Variants in ITSN1 observed in about 807,000 individuals in gnomAD.
The protein encoded by ITSN1 is intersectin 1.
In ITSN1, 58 loss-of-function variants were observed where a neutral mutation model predicts 239.8. That is an observed-to-expected ratio of 0.24 (90% CI 0.20 to 0.30). The LOEUF is 0.30. Among genes scored for constraint, ITSN1 ranks in the 10% least tolerant of loss-of-function variants. The pLI is 1.00. For missense variants in ITSN1, 1,558 were observed against 2,103.3 expected, an observed-to-expected ratio of 0.74 and a Z score of 5.07; for synonymous variants, 780 against 770.8, an observed-to-expected ratio of 1.01 and a Z score of -0.20.
intron 33 of ITSN1, among the ~76,000 whole-genome samples, chr21:33,870,267 A>G (rs1289537825): frequency 6.6e-6 from 1 of 152,168 alleles, no homozygotes; most frequent in Non-Finnish European, 1.5e-5. Flanking sequence ...TTTTTCTCCC[A>G]ATGTTTAATT....
In ITSN1 at chr21:33,797,277, TC is replaced by T; in HGVS notation, c.1953-99del. The T allele has an allele frequency of 1.1e-6, 1 of 885,304 alleles. No individual in the cohort carries two copies. The highest frequency in any genetic ancestry group is 1.5e-5 in the South Asian group (1 of 65,296). 54.8% of individuals were successfully genotyped at this position (885,304 alleles called of 1,614,324 possible). On this transcript the variant is annotated intron_variant, in intron 17 of 39. Coordinates refer to ENST00000381318, the MANE Select transcript of ITSN1 (RefSeq NM_003024.3). The surrounding 1 kb of genome is among the most constrained non-coding windows in gnomAD (Gnocchi z 4.9). Reference sequence around the variant, plus strand: ...CTGAACAACAATGTTCCCTTGATGTTCCCATCCCATTTACTGGATGGAGCTT... The same window carrying T: ...CTGAACAACAATGTTCCCTTGATGTTCCATCCCATTTACTGGATGGAGCTT...
chr21:33,848,508 C>T (rs1297027045), intron 29 of ITSN1, among the ~76,000 whole-genome samples: 3 of 152,194 alleles, frequency 2.0e-5, no homozygotes, highest in South Asian at 2.1e-4. Context: ...AAGAGGCCTC[C>T]GGGGAAGAGC....
intron 28 of ITSN1, 58 bp downstream of exon 28, chr21:33,834,482 A>G: frequency 5.0e-6 from 6 of 1,188,918 alleles, no homozygotes; most frequent in Non-Finnish European, 3.7e-6. Flanking sequence ...GAGTTTTTCC[A>G]CTTGATTTTC....
chr21:33,785,263 A>G (rs1383002082), intron 16 of ITSN1, among the ~76,000 whole-genome samples: 1 of 152,136 alleles, frequency 6.6e-6, no homozygotes, highest in Non-Finnish European at 1.5e-5. Context: ...ACAAAAATTG[A>G]TTCTCACTAT....
At chr21:33,677,027 G>T (rs2090636179) in intron 1 of ITSN1, among the ~76,000 whole-genome samples, 1 of 122,832 alleles carries the variant, frequency 8.1e-6, no homozygotes, top group South Asian at 3.2e-4. Context: ...GAGGGGGGAG[G>T]GATAGCATTA....
intron 29 of ITSN1, chr21:33,838,512 CTG>C: frequency 1.0e-6 from 1 of 963,472 alleles, no homozygotes; most frequent in Non-Finnish European, 1.2e-6. Flanking sequence ...GGAAATGTCT[CTG>C]TGTTCTTGAT....
intron 5 of ITSN1, chr21:33,735,485 T>C (rs1292142074): frequency 1.3e-5 from 5 of 376,226 alleles, no homozygotes; most frequent in African/African-American, 1.1e-4. Context: ...TTCTGGGTTT[T>C]TTTTTTTTTT....
intron 5 of ITSN1, among the ~76,000 whole-genome samples, chr21:33,740,456 C>A (rs983644669): frequency 2.2e-4 from 33 of 152,130 alleles, no homozygotes; most frequent in African/African-American, 7.5e-4. Context: ...AAAAGTGTTT[C>A]AAGAAGGAGG....
At chr21:33,696,170 T>C (rs2091784569) in intron 1 of ITSN1, among the ~76,000 whole-genome samples, 1 of 152,224 alleles carries the variant, frequency 6.6e-6, no homozygotes, top group Non-Finnish European at 1.5e-5. Flanking sequence ...TCATTGATGT[T>C]GCAGTAAGGC....
chr21:33,888,044 A>G, intron 39 of ITSN1, 108 bp from the exon 40 acceptor site: 1 of 1,103,290 alleles, frequency 9.1e-7, no homozygotes, highest in South Asian at 1.6e-5. Flanking sequence ...GAGCCCAGAG[A>G]AGAAGGGAGA....
intron 17 of ITSN1, 48 bp downstream of exon 17, chr21:33,794,516 T>C (rs1291882799): frequency 1.0e-5 from 16 of 1,565,142 alleles, no homozygotes; most frequent in African/African-American, 1.4e-5. Flanking sequence ...ACTTTGAGGA[T>C]TTACTATTCT....
intron 36 of ITSN1, 90 bp downstream of exon 36, chr21:33,883,761 T>C: frequency 6.8e-7 from 1 of 1,481,108 alleles, no homozygotes; most frequent in Non-Finnish European, 9.2e-7. Flanking sequence ...TGCCAATGTT[T>C]CCCAAGTGGC....
At chr21:33,831,937 G>C (rs2074315395) in intron 27 of ITSN1, among the ~76,000 whole-genome samples, 1 of 152,060 alleles carries the variant, frequency 6.6e-6, no homozygotes, top group East Asian at 1.9e-4. Flanking sequence ...TAGACCCTCG[G>C]GTCCCACTCC....
At chr21:33,866,102 C>T (rs1981524663) in intron 32 of ITSN1, among the ~76,000 whole-genome samples, 1 of 152,210 alleles carries the variant, frequency 6.6e-6, no homozygotes, top group South Asian at 2.1e-4. Context: ...GGATCTCATG[C>T]ATTTTGGAGA....
intron 5 of ITSN1, among the ~76,000 whole-genome samples, chr21:33,749,853 A>AT (rs1230795905): frequency 6.6e-6 from 1 of 152,002 alleles, no homozygotes; most frequent in Admixed American, 6.6e-5. Flanking sequence ...TTTAAATATC[A>AT]TTTTGAACTC....
At chr21:33,795,541 A>G (rs929523099) in intron 17 of ITSN1, among the ~76,000 whole-genome samples, 2 of 152,146 alleles carry the variant, frequency 1.3e-5, no homozygotes, top group Middle Eastern at 3.2e-3. Flanking sequence ...AGAGCTGTGC[A>G]TACTTTCTTA....
At chr21:33,729,104 C>T (rs1384227457) in intron 4 of ITSN1, among the ~76,000 whole-genome samples, 1 of 152,168 alleles carries the variant, frequency 6.6e-6, no homozygotes, top group East Asian at 1.9e-4. Flanking sequence ...ATCCCTTCAT[C>T]CTGTAACACA....
At chr21:33,760,107 CAAAAA>C (rs548123368) in intron 8 of ITSN1, among the ~76,000 whole-genome samples, 1 of 123,682 alleles carries the variant, frequency 8.1e-6, no homozygotes, top group Admixed American at 8.3e-5. Context: ...GACTCCATCT[CAAAAA>C]AAAAAAAGAA....
chr21:33,752,824 TA>T (rs374308030), intron 7 of ITSN1, among the ~76,000 whole-genome samples: 5,524 of 126,888 alleles, frequency 0.044, 273 homozygotes, highest in African/African-American at 0.13. Context: ...TGAGCCTGCC[TA>T]AAAAAAAAAA....
Sources: gnomAD v4.1 joint callset for allele counts (sites outside exome capture counted in the v4.1 genomes callset) on GRCh38, gnomAD v4.1.1 for gene constraint, Gnocchi (gnomAD v3.1) non-coding constraint, MANE v1.5 for transcripts, NCBI Gene and HGNC (gene_info 2026-07-23, HGNC 2026-07-21) for gene names.